TRPM6: variants seen among roughly 807,000 people sequenced by gnomAD.
TRPM6 encodes channel kinase 2.
TRPM6 carries 111 observed loss-of-function variants against 247.6 expected under a neutral mutation model. The ratio of observed to expected loss-of-function variants is 0.45; its 90% CI spans 0.38 to 0.52. The LOEUF (loss-of-function observed/expected upper bound fraction) is 0.52, where lower values mean the gene tolerates loss of function less well. Ranked by LOEUF, TRPM6 falls within the 20% of genes least tolerant of loss-of-function variation. The pLI is 0.00. For synonymous variants in TRPM6, 892 were observed against 853.8 expected, an observed-to-expected ratio of 1.04 and a Z score of -0.78; for missense variants, 2,126 against 2,421.5, an observed-to-expected ratio of 0.88 and a Z score of 2.56.
chr9:74,882,540 C>T (rs1437741322), intron 1 of TRPM6, among the ~76,000 whole-genome samples: 2 of 152,088 alleles, frequency 1.3e-5, no homozygotes, highest in Non-Finnish European at 2.9e-5. Flanking sequence ...CAGTAAAATG[C>T]AAATCAAAAC....
rs1156324813 is a variant in TRPM6, at chr9:74,834,097, G to C, written c.570C>G (p.Ala190=). The C allele has an allele frequency of 1.9e-6, 3 of 1,613,946 alleles. No homozygotes were observed. In the African/African-American group the frequency reaches 4.0e-5, roughly 22 times the overall value. Residue 190 remains alanine, a synonymous_variant, in exon 6 of 39, where the codon GCC becomes GCG. Coordinates refer to ENST00000360774, the MANE Select transcript of TRPM6 (RefSeq NM_017662.5). ...NTGVSKHVGD[A]LKSHSSHSLR... is the part of the protein sequence containing the mutation. ...AGGAATGAGAGGAATGGGATTTCAA[G>C]GCATCCCCAACATGCTTGGACACTC...
At chr9:74,740,054 T>C (rs1825813310) in intron 33 of TRPM6, 45 bp from the exon 34 acceptor site, 1 of 1,601,016 alleles carries the variant, frequency 6.2e-7, no homozygotes, top group Non-Finnish European at 8.5e-7. Flanking sequence ...GATTGCCATG[T>C]CTGTGACATG....
chr9:74,873,629 G>C (rs1265584815), intron 1 of TRPM6, among the ~76,000 whole-genome samples: 1 of 152,092 alleles, frequency 6.6e-6, no homozygotes, highest in African/African-American at 2.4e-5. Flanking sequence ...TCTTTTCTAA[G>C]AGATTTCCAA....
intron 38 of TRPM6, among the ~76,000 whole-genome samples, chr9:74,725,157 C>T (rs1825273524): frequency 6.6e-6 from 1 of 152,166 alleles, no homozygotes; most frequent in South Asian, 2.1e-4. Flanking sequence ...AAAAGCTCCA[C>T]CTCAGGTTTG....
In TRPM6 at chr9:74,810,813, A is replaced by G; in HGVS notation, c.1497+2T>C. The G allele has an allele frequency of 1.9e-6, 3 of 1,613,522 alleles. No individual in the cohort carries two copies. The highest frequency in any genetic ancestry group is 2.5e-6 in the Non-Finnish European group (3 of 1,179,508). On this transcript the variant is annotated splice_donor_variant, in intron 13 of 38. Transcript: ENST00000360774. LOFTEE classifies it high-confidence loss of function. ...ATGTTCACGCCTTCTTAATTAGGTT[A>G]CCTGTTTCACATCTTGGACGAGATG...
intron 25 of TRPM6, among the ~76,000 whole-genome samples, chr9:74,765,138 T>C (rs893488893): frequency 1.3e-5 from 2 of 152,214 alleles, no homozygotes; most frequent in Admixed American, 6.5e-5. Context: ...TATTGTGAGA[T>C]AGAATATTAT....
intron 2 of TRPM6, 115 bp downstream of exon 2, chr9:74,858,554 A>G: frequency 1.6e-6 from 1 of 638,802 alleles, no homozygotes; most frequent in Non-Finnish European, 2.7e-6. Context: ...AACATTGAAA[A>G]TTCTAACTTT....
At chr9:74,776,182 C>T (rs991823504) in intron 23 of TRPM6, 106 bp from the exon 24 acceptor site, 1 of 960,198 alleles carries the variant, frequency 1.0e-6, no homozygotes. Flanking sequence ...ACATTACCGG[C>T]AGTTACCCAA....
chr9:74,856,680 G>A (rs1830536356), intron 2 of TRPM6, among the ~76,000 whole-genome samples: 1 of 152,086 alleles, frequency 6.6e-6, no homozygotes, highest in South Asian at 2.1e-4. Flanking sequence ...GGAAAAAGAT[G>A]TTATAATCAA....
intron 3 of TRPM6, among the ~76,000 whole-genome samples, chr9:74,847,227 G>A (rs1009106246): frequency 6.6e-6 from 1 of 151,888 alleles, no homozygotes; most frequent in African/African-American, 2.4e-5. Flanking sequence ...TTGAGATAAG[G>A]TCTTACTCTG....
chr9:74,802,614 G>A (rs17060526), intron 15 of TRPM6, among the ~76,000 whole-genome samples: 4,794 of 152,246 alleles, frequency 0.031, 233 homozygotes, highest in African/African-American at 0.11. Context: ...TCGAAATAGC[G>A]TATTGGATAC....
At chr9:74,785,459 T>C (rs549825969) in intron 21 of TRPM6, among the ~76,000 whole-genome samples, 1 of 152,366 alleles carries the variant, frequency 6.6e-6, no homozygotes, top group East Asian at 1.9e-4. Flanking sequence ...TGTATGCCTA[T>C]ATCAAAATAT....
chr9:74,805,011 G>A (rs1325012763), intron 14 of TRPM6, among the ~76,000 whole-genome samples: 1 of 152,134 alleles, frequency 6.6e-6, no homozygotes, highest in Non-Finnish European at 1.5e-5. Context: ...ATTAAAATTA[G>A]TTTAATTTTA....
intron 6 of TRPM6, among the ~76,000 whole-genome samples, chr9:74,833,777 G>T (rs1187601734): frequency 6.6e-6 from 1 of 152,176 alleles, no homozygotes; most frequent in Non-Finnish European, 1.5e-5. Flanking sequence ...GTGAGACAAA[G>T]AGATCATTCC....
intron 13 of TRPM6, among the ~76,000 whole-genome samples, chr9:74,810,046 A>G (rs1276753165): frequency 6.6e-6 from 1 of 151,798 alleles, no homozygotes; most frequent in Non-Finnish European, 1.5e-5. Context: ...CTCCACGTCA[A>G]CATAAACTGA....
chr9:74,758,226 A>G (rs1452240776), intron 27 of TRPM6, among the ~76,000 whole-genome samples: 1 of 152,160 alleles, frequency 6.6e-6, no homozygotes, highest in African/African-American at 2.4e-5. Flanking sequence ...TCAATTCCTT[A>G]CAAATTCACC....
In TRPM6 at chr9:74,851,263, G is replaced by T. The variant is rs7873064; in HGVS notation, c.152+4264C>A. Among the ~76,000 whole-genome samples, 982 of 151,972 alleles carry T rather than the reference G, an allele frequency of 6.5e-3. 14 individuals are homozygous for T. Among genetic ancestry groups the T allele is most frequent in the African/African-American group, 0.023 (952 of 41,416 alleles). On this transcript the variant is annotated intron_variant, in intron 3 of 38. Transcript: ENST00000360774. ...TACTAAAAGCTCACTTTATATAAAT[G>T]TCAATTCCAGGAGGGGGGTTAAAAA...
chr9:74,726,307 C>T (rs1046703028), intron 38 of TRPM6, among the ~76,000 whole-genome samples: 2 of 152,070 alleles, frequency 1.3e-5, no homozygotes, highest in African/African-American at 2.4e-5. Context: ...GTCAAGAGTT[C>T]GAGACCAGGC....
intron 1 of TRPM6, among the ~76,000 whole-genome samples, chr9:74,881,312 TA>T (rs888720905): frequency 6.7e-5 from 10 of 149,920 alleles, no homozygotes; most frequent in African/African-American, 2.0e-4. Context: ...AAACTTTAAG[TA>T]AAAAAAAAGT....
Sources: allele counts gnomAD v4.1 joint callset (sites outside exome capture counted in the v4.1 genomes callset), GRCh38; gene constraint gnomAD v4.1.1; transcripts MANE v1.5; gene names NCBI Gene and HGNC (gene_info 2026-07-23, HGNC 2026-07-21).